The following RNF180 variants were observed in gnomAD, a reference collection of about 807,000 sequenced individuals.
RNF180 encodes the protein ring finger protein 180, also known as E3 ubiquitin-protein ligase RNF180.
RNF180 carries 38 observed loss-of-function variants against 59.2 expected under a neutral mutation model. The observed-to-expected ratio is 0.64, with a 90% confidence interval of 0.50 to 0.84. RNF180 has a LOEUF of 0.84. Ranked by LOEUF, RNF180 falls within the 40% of genes least tolerant of loss-of-function variation. RNF180 has a pLI of 0.00. For synonymous variants in RNF180, 262 were observed against 240.3 expected, an observed-to-expected ratio of 1.09 and a Z score of -0.84; for missense variants, 705 against 700.9, an observed-to-expected ratio of 1.01 and a Z score of -0.07.
At chr5:64,282,514 A>G (rs1742063894) in intron 5 of RNF180, among the ~76,000 whole-genome samples, 1 of 152,048 alleles carries the variant, frequency 6.6e-6, no homozygotes, top group African/African-American at 2.4e-5. Flanking sequence ...GATCTTTTGT[A>G]TGGTTTTCAC....
intron 7 of RNF180, among the ~76,000 whole-genome samples, chr5:64,334,730 G>T (rs1263603844): frequency 6.6e-6 from 1 of 152,072 alleles, no homozygotes; most frequent in Admixed American, 6.6e-5. Context: ...ATTTCAGTAA[G>T]TGTGGCCACA....
At chr5:64,272,702 C>T (rs1196519417) in intron 5 of RNF180, among the ~76,000 whole-genome samples, 2 of 151,652 alleles carry the variant, frequency 1.3e-5, no homozygotes, top group African/African-American at 2.4e-5. Flanking sequence ...TGGTTATAAA[C>T]GTAGAAAGAC....
chr5:64,169,762 AT>A (rs1315807918), intron 1 of RNF180, among the ~76,000 whole-genome samples: 1 of 152,258 alleles, frequency 6.6e-6, no homozygotes, highest in Non-Finnish European at 1.5e-5. Flanking sequence ...ATCTAGAGCA[AT>A]TCTGTTAATA....
intron 7 of RNF180, among the ~76,000 whole-genome samples, chr5:64,331,167 G>A (rs1246183674): frequency 2.0e-5 from 3 of 152,222 alleles, no homozygotes; most frequent in African/African-American, 7.2e-5. Context: ...AAGGCTGAGG[G>A]GAGCTGAGGG....
chr5:64,322,656 A>G (rs10061372), intron 5 of RNF180, among the ~76,000 whole-genome samples: 43,146 of 149,626 alleles, frequency 0.29, 6,414 homozygotes, highest in African/African-American at 0.35. Context: ...AATACCATTC[A>G]GCCAATAAAA....
rs1284549573 is a variant in RNF180 at position 64,371,153 on chromosome 5, G to A, written c.*1339G>A. 6.6e-6 allele frequency: 1 copy of A among 151,502 alleles called. No homozygotes were observed. The highest frequency in any genetic ancestry group is 1.9e-4 in the East Asian group (1 of 5,156). 9.4% of individuals were successfully genotyped at this position (151,502 alleles called of 1,614,324 possible). On this transcript the variant is annotated 3_prime_UTR_variant, in exon 8 of 8. Transcript: ENST00000389100. ...TGGTACTGATTTCTATTCTAATGCT[G>A]TTCTTATTATTGTGTTTTAAATTAT...
At chr5:64,216,846 T>A (rs949548227) in intron 4 of RNF180, among the ~76,000 whole-genome samples, 1 of 152,162 alleles carries the variant, frequency 6.6e-6, no homozygotes, top group African/African-American at 2.4e-5. Flanking sequence ...TTTTTATTTT[T>A]TAAATTATCA....
At chr5:64,214,678 A>G (rs1005914383) in intron 4 of RNF180, among the ~76,000 whole-genome samples, 161 bp downstream of exon 4, 1 of 152,178 alleles carries the variant, frequency 6.6e-6, no homozygotes, top group Non-Finnish European at 1.5e-5. Flanking sequence ...CAGCCATATT[A>G]TAATTGGCAT....
In RNF180 at chr5:64,353,196, G is replaced by A. The variant is rs1400607539; in HGVS notation, c.1580-16419G>A. 3.3e-5 allele frequency among the ~76,000 whole-genome samples: 5 copies of A among 151,536 alleles called. No individual in the cohort carries two copies. The Admixed American group carries it at 3.3e-4, about 10-fold the overall frequency. On this transcript the variant is annotated intron_variant, in intron 7 of 7. Transcript: ENST00000389100. Reference sequence around the variant, plus strand: ...TAATTGGTAATATCTAGTTTATTCTGTATTCCATATTAACAGAAGAAAAAA... The same window carrying A: ...TAATTGGTAATATCTAGTTTATTCTATATTCCATATTAACAGAAGAAAAAA...
intron 4 of RNF180, among the ~76,000 whole-genome samples, chr5:64,215,102 C>G (rs1752545925): frequency 6.6e-6 from 1 of 152,080 alleles, no homozygotes. Flanking sequence ...ATGATTTGAT[C>G]TACTTCAGTA....
At chr5:64,260,784 T>G (rs1744292250) in intron 5 of RNF180, among the ~76,000 whole-genome samples, 1 of 152,206 alleles carries the variant, frequency 6.6e-6, no homozygotes, top group Non-Finnish European at 1.5e-5. Flanking sequence ...TTCTCATATG[T>G]AAAATGGGAA....
At chr5:64,342,100 C>T (rs145160827) in intron 7 of RNF180, among the ~76,000 whole-genome samples, 201 of 152,202 alleles carry the variant, frequency 1.3e-3, no homozygotes, top group African/African-American at 4.6e-3. Flanking sequence ...AAGTATATTA[C>T]TTCTGGCAAC....
At chr5:64,339,766 T>C (rs1457996444) in intron 7 of RNF180, among the ~76,000 whole-genome samples, 2 of 152,210 alleles carry the variant, frequency 1.3e-5, no homozygotes, top group Admixed American at 1.3e-4. Flanking sequence ...GAAGCTTGTA[T>C]AAAAGCTTGA....
intron 5 of RNF180, among the ~76,000 whole-genome samples, chr5:64,238,724 T>C (rs1742599824): frequency 6.6e-6 from 1 of 152,200 alleles, no homozygotes; most frequent in Non-Finnish European, 1.5e-5. Context: ...TTATATACTT[T>C]GGAGATTAAC....
rs928897801 is a variant in RNF180, at chr5:64,372,452, A to G, written c.*2638A>G. ...ATGCCACTATAGTATTATATGCTAA[A>G]TATGAAAGCAGTGCTGCCATCAGTT... On this transcript the variant is annotated 3_prime_UTR_variant, in exon 8 of 8. Coordinates refer to ENST00000389100, the MANE Select transcript of RNF180 (RefSeq NM_001113561.2). 1.3e-5 allele frequency: 2 copies of G among 151,948 alleles called. No homozygotes were observed. The highest frequency in any genetic ancestry group is 2.9e-5 in the Non-Finnish European group (2 of 67,912). 9.4% of individuals were successfully genotyped at this position (151,948 alleles called of 1,614,324 possible). A position where few individuals can be genotyped will look rare whatever the true frequency, so the allele number is the denominator to read the frequency against.
intron 5 of RNF180, among the ~76,000 whole-genome samples, chr5:64,316,563 A>G (rs1744051589): frequency 6.6e-6 from 1 of 152,208 alleles, no homozygotes. Context: ...GGTTTAAGGT[A>G]GTGACATTTT....
chr5:64,344,806 T>C (rs1284043834), intron 7 of RNF180, among the ~76,000 whole-genome samples: 3 of 151,966 alleles, frequency 2.0e-5, no homozygotes, highest in Non-Finnish European at 2.9e-5. Flanking sequence ...TAACCTGTCA[T>C]ACATTTCTGA....
chr5:64,217,834 TG>T (rs1437365523), intron 5 of RNF180: 3 of 152,220 alleles, frequency 2.0e-5, no homozygotes, highest in Non-Finnish European at 4.4e-5. Flanking sequence ...GGTGTGTGCC[TG>T]TAGTCCTAGC....
intron 7 of RNF180, among the ~76,000 whole-genome samples, chr5:64,366,799 G>A (rs1746467351): frequency 6.6e-6 from 1 of 151,492 alleles, no homozygotes; most frequent in African/African-American, 2.4e-5. Context: ...AAACGAAAGG[G>A]ATAGGAAACA....
Sources: gnomAD v4.1 joint callset for allele counts (sites outside exome capture counted in the v4.1 genomes callset) on GRCh38, gnomAD v4.1.1 for gene constraint, MANE v1.5 for transcripts, NCBI Gene and HGNC (gene_info 2026-07-23, HGNC 2026-07-21) for gene names.